The following DNAH12 variants were observed in gnomAD, a reference collection of about 807,000 sequenced individuals.
The protein encoded by DNAH12 is dynein axonemal heavy chain 12, also known as axonemal beta dynein heavy chain 12.
In DNAH12, 285 loss-of-function variants were observed where a neutral mutation model predicts 371.5. That is an observed-to-expected ratio of 0.77 (90% confidence interval 0.70 to 0.85). The LOEUF (loss-of-function observed/expected upper bound fraction) is 0.85. Among genes scored for constraint, DNAH12 ranks in the 40% least tolerant of loss-of-function variants. The probability of loss-of-function intolerance (pLI) is 0.00; values close to 1 mark genes in which losing one functional copy is unlikely to be tolerated. For missense variants in DNAH12, 3,611 were observed against 3,689.4 expected, an observed-to-expected ratio of 0.98 and a Z score of 0.55; for synonymous variants, 1,200 against 1,213.0, an observed-to-expected ratio of 0.99 and a Z score of 0.22.
chr3:57,338,130 G>T (rs1402112149), intron 60 of DNAH12, among the ~76,000 whole-genome samples: 1 of 152,074 alleles, frequency 6.6e-6, no homozygotes. Flanking sequence ...CTCCTGCCTC[G>T]GCCTGCCGAG....
intron 69 of DNAH12, among the ~76,000 whole-genome samples, chr3:57,302,568 T>TGTA (rs1491312065): frequency 2.1e-5 from 1 of 48,624 alleles, no homozygotes; most frequent in African/African-American, 1.4e-4. Context: ...TATATATGTA[T>TGTA]TTTTTTTTTT....
intron 43 of DNAH12, among the ~76,000 whole-genome samples, chr3:57,401,368 G>A (rs1226963276): frequency 2.1e-4 from 31 of 149,504 alleles, no homozygotes; most frequent in Admixed American, 7.4e-4. Flanking sequence ...TGGGCAACAC[G>A]GTGAAACCCA....
At chr3:57,294,325 T>C (rs1245393888) in intron 73 of DNAH12, among the ~76,000 whole-genome samples, 1 of 152,036 alleles carries the variant, frequency 6.6e-6, no homozygotes, top group Non-Finnish European at 1.5e-5. Flanking sequence ...TACAGGTGCC[T>C]GCCACCATGC....
At chr3:57,445,610 AG>A (rs2065462217) in intron 27 of DNAH12, among the ~76,000 whole-genome samples, 191 bp from the exon 28 acceptor site, 1 of 152,068 alleles carries the variant, frequency 6.6e-6, no homozygotes, top group Non-Finnish European at 1.5e-5. Context: ...TGTTTAAAAA[AG>A]TTTTGGGAGG....
intron 73 of DNAH12, among the ~76,000 whole-genome samples, chr3:57,294,366 G>A (rs376702170): frequency 6.6e-5 from 10 of 152,058 alleles, no homozygotes; most frequent in African/African-American, 2.2e-4. Flanking sequence ...TAGTAGAGAC[G>A]GGGTTTCACT....
chr3:57,342,143 A>C (rs2153314850), intron 60 of DNAH12, among the ~76,000 whole-genome samples: 1 of 152,278 alleles, frequency 6.6e-6, no homozygotes, highest in Middle Eastern at 3.4e-3. Flanking sequence ...CTAAATGTAA[A>C]ACCTGAAGCT....
At chr3:57,522,229 A>T (rs1332209365) in intron 4 of DNAH12, among the ~76,000 whole-genome samples, 5 of 152,076 alleles carry the variant, frequency 3.3e-5, no homozygotes, top group Admixed American at 3.3e-4. Context: ...ATTTCAAAAA[A>T]AAAAAATAAA....
intron 69 of DNAH12, among the ~76,000 whole-genome samples, chr3:57,308,746 G>A (rs555557935): frequency 2.3e-4 from 35 of 152,254 alleles, no homozygotes; most frequent in African/African-American, 7.9e-4. Context: ...TGCTGGCAAG[G>A]CTACGCTGAA....
intron 8 of DNAH12, among the ~76,000 whole-genome samples, chr3:57,504,620 A>G (rs539612678): frequency 6.6e-6 from 1 of 152,280 alleles, no homozygotes; most frequent in East Asian, 1.9e-4. Context: ...TTGTGGGTAC[A>G]TAATAGGTGT....
chr3:57,405,706 A>C lies in DNAH12; in HGVS notation c.6523T>G (p.Phe2175Val), dbSNP rs1553680896. ...QLTKTVIKDH[F>V]KESFHSIFSH... ...AAGATACTGTGAAATGATTCTTTAA[A>C]ATGGTCCTTTATAACAGTTTTAGTT... Residue 2175 changes from phenylalanine to valine, a missense_variant, in exon 41 of 74, where the codon TTT becomes GTT. Physicochemically the swap from Phe to Val is conservative, Grantham distance 50 (BLOSUM62 -1). Around this residue, in one of 3 missense-constraint regions of DNAH12, gnomAD observed 2,266 missense variants for 2,236.9 expected, o/e 1.01. Coordinates refer to ENST00000495027, the MANE Select transcript of DNAH12 (RefSeq NM_001366028.2). 5.8e-6 allele frequency: 9 copies of C among 1,551,572 alleles called. No homozygotes were observed. The Admixed American group carries it at 1.8e-4, about 30-fold the overall frequency.
intron 4 of DNAH12, among the ~76,000 whole-genome samples, chr3:57,515,728 T>C (rs2068168316): frequency 6.6e-6 from 1 of 152,008 alleles, no homozygotes; most frequent in South Asian, 2.1e-4. Flanking sequence ...AAAAGTTCTT[T>C]CTTACTACAG....
At position 57,404,953 on chromosome 3, in the gene DNAH12, C is replaced by T. The variant is rs1165470532; in HGVS notation, c.6755+16G>A. 3 of 1,469,824 alleles carry T rather than the reference C, an allele frequency of 2.0e-6. No individual in the cohort carries two copies. In the African/African-American group the frequency reaches 4.4e-5, roughly 22 times the overall value. The allele number at this position is 1,469,824 out of a possible 1,614,324, so 91.0% of individuals were successfully genotyped here. On this transcript the variant is annotated intron_variant, in intron 42 of 73. Coordinates refer to ENST00000495027, the MANE Select transcript of DNAH12 (RefSeq NM_001366028.2). ...TACAGATAGCAATTTCAAGCATCAA[C>T]ACCATATATAGGTACCTAAAAATGA...
At chr3:57,337,278 C>T (rs2062246804) in intron 60 of DNAH12, among the ~76,000 whole-genome samples, 1 of 150,738 alleles carries the variant, frequency 6.6e-6, no homozygotes, top group Admixed American at 6.6e-5. Flanking sequence ...AGGCCATAGG[C>T]AGGAGGACTG....
intron 25 of DNAH12, among the ~76,000 whole-genome samples, chr3:57,449,609 CG>C (rs2065679404): frequency 6.6e-6 from 1 of 152,224 alleles, no homozygotes; most frequent in African/African-American, 2.4e-5. Context: ...CCTCATTGCC[CG>C]GGGCCGGCAG....
At chr3:57,313,155 T>G (rs1377295727) in intron 66 of DNAH12, among the ~76,000 whole-genome samples, 1 of 152,196 alleles carries the variant, frequency 6.6e-6, no homozygotes, top group Non-Finnish European at 1.5e-5. Flanking sequence ...CCCTTACAGC[T>G]AAAGCCTACG....
intron 60 of DNAH12, among the ~76,000 whole-genome samples, chr3:57,341,186 A>C (rs1553655992): frequency 6.6e-6 from 1 of 152,204 alleles, no homozygotes; most frequent in African/African-American, 2.4e-5. Context: ...AACTGGAACA[A>C]GACAAGGATA....
chr3:57,382,369 A>T lies in DNAH12; in HGVS notation c.7885T>A (p.Ser2629Thr), dbSNP rs1396599125. 6.6e-6 allele frequency: 1 copy of T among 152,196 alleles called. No individual in the cohort carries two copies. The highest frequency in any genetic ancestry group is 2.4e-5 in the African/African-American group (1 of 41,458). 9.4% of individuals were successfully genotyped at this position (152,196 alleles called of 1,614,324 possible). A position where few individuals can be genotyped will look rare whatever the true frequency, so the allele number is the denominator to read the frequency against. The change falls in exon 50 of 74, where the codon TCA becomes ACA. Residue 2629 changes from serine (S) to threonine (T), a missense_variant. Coordinates refer to ENST00000495027, the MANE Select transcript of DNAH12 (RefSeq NM_001366028.2). ...LKPADITIVK[S>T]MKNPPSGVKL... is the part of the protein sequence containing the mutation. ...ACACCAGATGGAGGATTCTTCATTG[A>T]TTTCACAATCGTAATGTCGGCTGGC...
chr3:57,549,235 G>A (rs2069599793), upstream of DNAH12, among the ~76,000 whole-genome samples: 2 of 150,172 alleles, frequency 1.3e-5, no homozygotes, highest in African/African-American at 4.9e-5. Context: ...ATTTAATCAG[G>A]CCAGGTGCAG....
At chr3:57,401,181 A>G (rs1446496224) in intron 43 of DNAH12, among the ~76,000 whole-genome samples, 1 of 152,068 alleles carries the variant, frequency 6.6e-6, no homozygotes, top group Non-Finnish European at 1.5e-5. Flanking sequence ...TAAAACAAAA[A>G]CAAACAAACC....
Sources: allele counts gnomAD v4.1 joint callset (sites outside exome capture counted in the v4.1 genomes callset), GRCh38; gene constraint gnomAD v4.1.1; regional missense constraint gnomAD v4.1.1; transcripts MANE v1.5; gene names NCBI Gene and HGNC (gene_info 2026-07-23, HGNC 2026-07-21).